RNF150: variants seen among roughly 807,000 people sequenced by gnomAD.
RNF150 encodes the protein ring finger protein 150.
Under a neutral mutation model 39.3 loss-of-function variants are expected in RNF150, and 24 were observed. The observed-to-expected ratio is 0.61, with a 90% confidence interval of 0.44 to 0.86. RNF150 has a LOEUF of 0.86. Among genes scored for constraint, RNF150 ranks in the 40% least tolerant of loss-of-function variants. The pLI, the probability that RNF150 is intolerant of heterozygous loss-of-function variation, is 0.00. For missense variants in RNF150, 502 were observed against 587.8 expected (o/e 0.85, Z 1.51); for synonymous variants, 255 against 227.3 (o/e 1.12, Z -1.10).
At chr4:141,075,302 C>G (rs961250532) in intron 1 of RNF150, among the ~76,000 whole-genome samples, 6 of 150,746 alleles carry the variant, frequency 4.0e-5, no homozygotes, top group Admixed American at 3.3e-4. Flanking sequence ...TCCAGTAAAA[C>G]GTTATTCACA....
rs187187931 is a variant in RNF150 at position 140,945,136 on chromosome 4, G to C, written c.890+2518C>G. On this transcript the variant is annotated intron_variant, in intron 4 of 6. Transcript: ENST00000515673. ...CATAGTATGGAAATAATAGTAGATG[G>C]ACAGTAAGGAATATGAAACAAAATC... Among the ~76,000 whole-genome samples the C allele has an allele frequency of 2.3e-4, 35 of 152,218 alleles. No individual in the cohort carries two copies. In the East Asian group the frequency reaches 5.4e-3, roughly 24 times the overall value.
chr4:141,147,024 C>A (rs190410848), intron 1 of RNF150, among the ~76,000 whole-genome samples: 4 of 152,056 alleles, frequency 2.6e-5, no homozygotes, highest in African/African-American at 9.7e-5. Flanking sequence ...TGCAGTGATG[C>A]GATTATGGCC....
intron 1 of RNF150, among the ~76,000 whole-genome samples, chr4:141,079,659 G>A (rs532685036): frequency 6.6e-6 from 1 of 152,316 alleles, no homozygotes; most frequent in Non-Finnish European, 1.5e-5. Flanking sequence ...AGAATGATTT[G>A]GAGGGAGGTC....
chr4:141,205,828 A>G (rs1728365161), intron 1 of RNF150, among the ~76,000 whole-genome samples: 1 of 152,140 alleles, frequency 6.6e-6, no homozygotes, highest in African/African-American at 2.4e-5. Context: ...AGTTTTGGTC[A>G]GTGCATGTGT....
Position 141,132,775 on chromosome 4 carries a change from G to A in RNF150, c.34C>T (p.Leu12=), listed in dbSNP as rs1263568285. The change falls in exon 1 of 7, where the codon CTG becomes TTG. Residue 12 remains leucine, a synonymous_variant. Coordinates refer to ENST00000515673, the MANE Select transcript of RNF150 (RefSeq NM_020724.2). The surrounding 1 kb of genome is among the most constrained non-coding windows in gnomAD (Gnocchi z 4.9). ...AMSLIQACCS[L]ALSTWLLSFC... Reference sequence around the variant, plus strand: ...GAAAGCAGCCATGTTGAGAGAGCCAGACTGCAGCACGCTTGGATGAGAGAC... The same window carrying A: ...GAAAGCAGCCATGTTGAGAGAGCCAAACTGCAGCACGCTTGGATGAGAGAC... 1 of 1,610,222 alleles carries A rather than the reference G, an allele frequency of 6.2e-7. No homozygotes were observed. Among genetic ancestry groups the A allele is most frequent in the East Asian group, 2.2e-5 (1 of 44,600 alleles).
At chr4:141,022,177 G>A (rs937967493) in intron 1 of RNF150, among the ~76,000 whole-genome samples, 2 of 152,084 alleles carry the variant, frequency 1.3e-5, no homozygotes, top group Non-Finnish European at 2.9e-5. Flanking sequence ...GGTACAAAAC[G>A]TGAACCAAGT....
chr4:141,030,505 C>A (rs895258000), intron 1 of RNF150, among the ~76,000 whole-genome samples: 7 of 151,996 alleles, frequency 4.6e-5, no homozygotes, highest in Non-Finnish European at 8.8e-5. Flanking sequence ...ATTTGCAAAC[C>A]CATGTTCACT....
intron 6 of RNF150, among the ~76,000 whole-genome samples, chr4:140,898,852 C>T (rs1221379771): frequency 6.6e-6 from 1 of 152,154 alleles, no homozygotes; most frequent in African/African-American, 2.4e-5. Flanking sequence ...TCTTGTTGCA[C>T]AGCAGGAGTG....
chr4:140,875,122 T>A (rs1487981856), intron 6 of RNF150, among the ~76,000 whole-genome samples: 2 of 152,060 alleles, frequency 1.3e-5, no homozygotes, highest in Non-Finnish European at 2.9e-5. Context: ...CAAATCCTGG[T>A]TTTATCTGAC....
At chr4:141,049,429 G>C (rs182179888) in intron 1 of RNF150, among the ~76,000 whole-genome samples, 1 of 151,728 alleles carries the variant, frequency 6.6e-6, no homozygotes, top group Admixed American at 6.6e-5. Context: ...CTATAACAAG[G>C]GTTTATTTCT....
chr4:140,986,739 AG>A lies in RNF150; in HGVS notation c.485-18867del, dbSNP rs753622435. Reference sequence around the variant, plus strand: ...TCTATGCAAATACCGTTTACTGTACAGCCAAGTAGTATATTACAATTATGAA... The same window carrying A: ...TCTATGCAAATACCGTTTACTGTACACCAAGTAGTATATTACAATTATGAA... On this transcript the variant is annotated intron_variant, in intron 1 of 6. Transcript: ENST00000515673. 1.1e-4 allele frequency among the ~76,000 whole-genome samples: 17 copies of A among 152,176 alleles called. No homozygotes were observed. In the East Asian group the frequency reaches 2.1e-3, roughly 19 times the overall value.
chr4:141,015,350 T>G lies in RNF150; in HGVS notation c.485-47477A>C, dbSNP rs576823351. Among the ~76,000 whole-genome samples, 11 of 152,336 alleles carry G rather than the reference T, an allele frequency of 7.2e-5. No homozygotes were observed. The South Asian group carries it at 2.3e-3, about 32-fold the overall frequency. On this transcript the variant is annotated intron_variant, in intron 1 of 6. Transcript: ENST00000515673. ...AAGCTGTAGATTGCTTTGGGTAGTA[T>G]GAACACCTGTTCAACATTTATTCTT... is the stretch of plus-strand genomic sequence containing the variant.
intron 1 of RNF150, among the ~76,000 whole-genome samples, chr4:140,981,817 G>T (rs901747165): frequency 6.6e-6 from 1 of 152,150 alleles, no homozygotes; most frequent in Non-Finnish European, 1.5e-5. Context: ...GTTTTCTAAG[G>T]TTGAGGAAGC....
rs529328922 is a variant in RNF150, at chr4:141,036,227, T to C, written c.485-68354A>G. On this transcript the variant is annotated intron_variant, in intron 1 of 6. Transcript: ENST00000515673. ...TTCTACATATGGGGTTGTGCCTGTC[T>C]TGTTCATTGCTGTGCTTTATATGTT... Among the ~76,000 whole-genome samples, 5 of 152,326 alleles carry C rather than the reference T, an allele frequency of 3.3e-5. No homozygotes were observed. In the South Asian group the frequency reaches 1.0e-3, roughly 32 times the overall value.
chr4:140,915,765 C>T (rs535353391), intron 5 of RNF150, among the ~76,000 whole-genome samples: 3 of 152,310 alleles, frequency 2.0e-5, no homozygotes, highest in African/African-American at 7.2e-5. Flanking sequence ...GGGTCCCTGA[C>T]CCCCGAGTAG....
At chr4:141,034,525 AC>A (rs1736070609) in intron 1 of RNF150, among the ~76,000 whole-genome samples, 1 of 152,102 alleles carries the variant, frequency 6.6e-6, no homozygotes. Flanking sequence ...AACTAGGTAA[AC>A]TGTTTGGTTT....
At chr4:140,929,056 G>A (rs116072274) in intron 4 of RNF150, among the ~76,000 whole-genome samples, 3,107 of 152,236 alleles carry the variant, frequency 0.02, 113 homozygotes, top group African/African-American at 0.07. Context: ...ACCAACTGGT[G>A]TTGCTCCTGG....
intron 1 of RNF150, among the ~76,000 whole-genome samples, chr4:141,111,175 C>T (rs1739374218): frequency 1.3e-5 from 2 of 152,192 alleles, no homozygotes; most frequent in Non-Finnish European, 2.9e-5. Flanking sequence ...GAGGAATGGT[C>T]TGTATATCTT....
chr4:141,199,769 G>T (rs1277299756), intron 1 of RNF150, among the ~76,000 whole-genome samples: 1 of 152,060 alleles, frequency 6.6e-6, no homozygotes, highest in Non-Finnish European at 1.5e-5. Flanking sequence ...ACTATGTTTT[G>T]TCAAAACCAT....
Sources: gnomAD v4.1 joint callset for allele counts (sites outside exome capture counted in the v4.1 genomes callset) on GRCh38, gnomAD v4.1.1 for gene constraint, Gnocchi (gnomAD v3.1) non-coding constraint, MANE v1.5 for transcripts, NCBI Gene and HGNC (gene_info 2026-07-23, HGNC 2026-07-21) for gene names.